NIPAL2: variants seen among roughly 807,000 people sequenced by gnomAD.
NIPAL2 encodes the protein NIPA like domain containing 2, also known as NIPA-like protein 2.
A neutral mutation model predicts 48.9 loss-of-function variants in NIPAL2; 43 were observed. That is an observed-to-expected ratio of 0.88 (90% CI 0.69 to 1.13). The LOEUF (loss-of-function observed/expected upper bound fraction) is 1.13, where lower values mean the gene tolerates loss of function less well. NIPAL2 is among the 50% of genes most tolerant of loss of function. The pLI is 0.00. For synonymous variants in NIPAL2, 167 were observed against 174.6 expected, an observed-to-expected ratio of 0.96 and a Z score of 0.34; for missense variants, 446 against 461.4, an observed-to-expected ratio of 0.97 and a Z score of 0.31.
At chr8:98,200,559 TTCTG>T (rs1197789366) in intron 8 of NIPAL2, among the ~76,000 whole-genome samples, 16 of 152,240 alleles carry the variant, frequency 1.1e-4, no homozygotes, top group African/African-American at 3.9e-4. Context: ...TGCTTCTACC[TTCTG>T]TCTATTGTGA....
chr8:98,237,236 G>T (rs1812765873), intron 3 of NIPAL2, among the ~76,000 whole-genome samples: 1 of 151,846 alleles, frequency 6.6e-6, no homozygotes, highest in South Asian at 2.1e-4. Context: ...TTTATTTTTA[G>T]AAATGGGGTC....
At chr8:98,247,897 G>C (rs1162759000) in intron 3 of NIPAL2, among the ~76,000 whole-genome samples, 1 of 152,206 alleles carries the variant, frequency 6.6e-6, no homozygotes, top group Admixed American at 6.5e-5. Context: ...TATATTAATA[G>C]TTTCCCAGAA....
chr8:98,260,944 A>T (rs1814281509), intron 1 of NIPAL2, among the ~76,000 whole-genome samples: 1 of 152,146 alleles, frequency 6.6e-6, no homozygotes, highest in Non-Finnish European at 1.5e-5. Flanking sequence ...GAACGGGCAG[A>T]CTGCCTCCTC....
At chr8:98,282,257 C>T (rs901760217) in intron 1 of NIPAL2, among the ~76,000 whole-genome samples, 3 of 152,164 alleles carry the variant, frequency 2.0e-5, no homozygotes, top group African/African-American at 7.2e-5. Context: ...TATAGCTGGT[C>T]TGGAGAGGCA....
intron 1 of NIPAL2, among the ~76,000 whole-genome samples, chr8:98,268,462 T>C (rs1045226260): frequency 6.6e-6 from 1 of 151,400 alleles, no homozygotes; most frequent in Non-Finnish European, 1.5e-5. Context: ...CTCTACTAAA[T>C]ATATAAAAAT....
intron 6 of NIPAL2, among the ~76,000 whole-genome samples, chr8:98,208,580 C>T (rs778513446): frequency 2.0e-5 from 3 of 152,224 alleles, no homozygotes; most frequent in South Asian, 2.1e-4. Flanking sequence ...TCCTGAGTAG[C>T]TGAGATTACA....
intron 1 of NIPAL2, among the ~76,000 whole-genome samples, chr8:98,268,857 T>C (rs1041239595): frequency 2.0e-5 from 3 of 152,210 alleles, no homozygotes; most frequent in African/African-American, 7.2e-5. Flanking sequence ...AATAGCATTA[T>C]GTTTAAAAAT....
intron 1 of NIPAL2, among the ~76,000 whole-genome samples, chr8:98,275,611 A>G (rs1403391963): frequency 2.0e-5 from 3 of 152,212 alleles, no homozygotes; most frequent in South Asian, 2.1e-4. Flanking sequence ...TCTGGGATAA[A>G]TGCCCGAAAG....
intron 6 of NIPAL2, among the ~76,000 whole-genome samples, chr8:98,209,224 A>G (rs559019640): frequency 1.3e-5 from 2 of 152,296 alleles, no homozygotes; most frequent in East Asian, 3.9e-4. Context: ...TAATCTGGCC[A>G]GGAAGAGGGG....
chr8:98,212,509 TGAAAAAG>T lies in NIPAL2; in HGVS notation c.559-15_559-9del. The T allele has an allele frequency of 1.6e-6, 2 of 1,273,884 alleles. No homozygotes were observed. The highest frequency in any genetic ancestry group is 2.3e-6 in the Non-Finnish European group (2 of 876,334). The allele number at this position is 1,273,884 out of a possible 1,614,324, so 78.9% of individuals were successfully genotyped here. A position where few individuals can be genotyped will look rare whatever the true frequency, so the allele number is the denominator to read the frequency against. On this transcript the variant is annotated splice_polypyrimidine_tract_variant and intron_variant, in intron 5 of 10. Coordinates refer to ENST00000430223, the MANE Select transcript of NIPAL2 (RefSeq NM_001321635.2). ...AATTAATATTTCTAAAATCTAGAAA[TGAAAAAG>T]ATGGAAAAGAGTAAGTTATTCTATG... is the stretch of plus-strand genomic sequence containing the variant.
At position 98,192,966 on chromosome 8, in the gene NIPAL2, C is replaced by G; in HGVS notation, c.*12G>C. The G allele has an allele frequency of 6.4e-7, 1 of 1,555,580 alleles. No individual in the cohort carries two copies. The highest frequency in any genetic ancestry group is 8.9e-7 in the Non-Finnish European group (1 of 1,127,174). On this transcript the variant is annotated 3_prime_UTR_variant, in exon 11 of 11. Coordinates refer to ENST00000430223, the MANE Select transcript of NIPAL2 (RefSeq NM_001321635.2). Reference sequence around the variant, plus strand: ...TATCGAATAACAGGCCAACAGCCATCCTTCTCAGCATTTAGACCTCTTTCT... The same window carrying G: ...TATCGAATAACAGGCCAACAGCCATGCTTCTCAGCATTTAGACCTCTTTCT...
intron 10 of NIPAL2, 175 bp from the exon 11 acceptor site, chr8:98,193,265 T>A (rs1404885482): frequency 1.7e-6 from 2 of 1,191,196 alleles, no homozygotes; most frequent in Non-Finnish European, 2.5e-6. Flanking sequence ...GCCATGTCTG[T>A]AGCTATGTGA....
chr8:98,207,270 C>T (rs1811084802), intron 6 of NIPAL2, among the ~76,000 whole-genome samples: 1 of 151,752 alleles, frequency 6.6e-6, no homozygotes, highest in East Asian at 2.0e-4. Context: ...AACTAGAATT[C>T]TCTGTTATTG....
At chr8:98,222,253 G>C (rs1901363) in intron 5 of NIPAL2, among the ~76,000 whole-genome samples, 23,834 of 152,106 alleles carry the variant, frequency 0.16, 1,994 homozygotes, top group Non-Finnish European at 0.18. Context: ...CTGGAACTTG[G>C]TGGATTAATC....
rs80038211 is a variant in NIPAL2, at chr8:98,220,624, G to T, written c.558+1855C>A. ...GAGGTCTTGTCATGTTGCCAGACTG[G>T]TCTCAAACTCCTGGGCTCGAGTGAT... On this transcript the variant is annotated intron_variant, in intron 5 of 10. Transcript: ENST00000430223. Among the ~76,000 whole-genome samples the T allele has an allele frequency of 3.5e-3, 531 of 152,122 alleles. 17 individuals carry two copies. In the South Asian group the frequency reaches 0.058, roughly 16 times the overall value.
chr8:98,198,934 GTTT>G (rs936852152), intron 8 of NIPAL2, among the ~76,000 whole-genome samples: 1 of 150,776 alleles, frequency 6.6e-6, no homozygotes, highest in South Asian at 2.1e-4. Flanking sequence ...CCTTCAAAAA[GTTT>G]TTTTCTTTTT....
intron 1 of NIPAL2, among the ~76,000 whole-genome samples, chr8:98,266,814 G>A (rs551294053): frequency 1.3e-5 from 2 of 152,212 alleles, no homozygotes; most frequent in Admixed American, 1.3e-4. Flanking sequence ...ACCATAAGGA[G>A]TTTGGAGACC....
Position 98,280,761 on chromosome 8 carries a change from TAGAGAGAG to T in NIPAL2, c.135+13234_135+13241del, listed in dbSNP as rs1554578553. On this transcript the variant is annotated intron_variant, in intron 1 of 10. Transcript: ENST00000430223. ...CTATATATATATATATATATATATATAGAGAGAGAGAGAGAGAGAGAGAGAGAGAGAAA... is the reference window on the plus strand; with the variant it reads ...CTATATATATATATATATATATATATAGAGAGAGAGAGAGAGAGAGAGAAA... Among the ~76,000 whole-genome samples the T allele has an allele frequency of 6.7e-5, 2 of 30,028 alleles. 1 individual carries two copies. The highest frequency in any genetic ancestry group is 2.3e-4 in the African/African-American group (2 of 8,792). 19.7% of individuals were successfully genotyped at this position (30,028 alleles called of 152,430 possible). A position where few individuals can be genotyped will look rare whatever the true frequency, so the allele number is the denominator to read the frequency against.
In NIPAL2 at chr8:98,236,186, C is replaced by T; in HGVS notation, c.405G>A (p.Leu135=). ...TGSAIISVTF[L]KDNLRASDLL... is the part of the protein sequence containing the mutation. ...AGTCTGAGGCTCTCAAATTGTCTTT[C>T]AGAAATGTAACAGAAATAATGGCAC... is the stretch of plus-strand genomic sequence containing the variant. The change falls in exon 4 of 11, where the codon CTG becomes CTA. Residue 135 remains leucine, a synonymous_variant. Transcript: ENST00000430223. The T allele has an allele frequency of 6.2e-7, 1 of 1,603,054 alleles. No individual in the cohort carries two copies.
Sources: allele counts gnomAD v4.1 joint callset (sites outside exome capture counted in the v4.1 genomes callset), GRCh38; gene constraint gnomAD v4.1.1; transcripts MANE v1.5; gene names NCBI Gene and HGNC (gene_info 2026-07-23, HGNC 2026-07-21).